The following COL19A1 variants were observed in gnomAD, a reference collection of about 807,000 sequenced individuals.
The protein encoded by COL19A1 is collagen alpha-1(XIX) chain.
In COL19A1, 159 loss-of-function variants were observed where a neutral mutation model predicts 190.2. That is an observed-to-expected ratio of 0.84 (90% CI 0.73 to 0.95). COL19A1 has a LOEUF of 0.95. Ranked by LOEUF, COL19A1 falls within the 40% of genes least tolerant of loss-of-function variation. The probability of loss-of-function intolerance (pLI) is 0.00; values close to 1 mark genes in which losing one functional copy is unlikely to be tolerated. For missense variants in COL19A1, 1,418 were observed against 1,431.9 expected (o/e 0.99, Z 0.16); for synonymous variants, 509 against 458.9 (o/e 1.11, Z -1.39).
intron 11 of COL19A1, among the ~76,000 whole-genome samples, chr6:69,970,571 A>T (rs1775372255): frequency 6.6e-6 from 1 of 152,206 alleles, no homozygotes; most frequent in South Asian, 2.1e-4. Flanking sequence ...CTTGGTGATT[A>T]TGCCTATTAT....
At chr6:70,204,662 G>A (rs989495557) in intron 49 of COL19A1, among the ~76,000 whole-genome samples, 72 of 152,180 alleles carry the variant, frequency 4.7e-4, no homozygotes, top group African/African-American at 1.6e-3. Context: ...AAATCGCTAA[G>A]TTTTAGCCAA....
chr6:69,999,886 A>G (rs1017563917), intron 11 of COL19A1, among the ~76,000 whole-genome samples: 1 of 152,108 alleles, frequency 6.6e-6, no homozygotes, highest in Non-Finnish European at 1.5e-5. Flanking sequence ...TTTAAAATTT[A>G]TTTTTAAGTT....
intron 9 of COL19A1, among the ~76,000 whole-genome samples, chr6:69,944,747 G>T (rs1029533154): frequency 2.6e-5 from 4 of 151,736 alleles, no homozygotes; most frequent in African/African-American, 9.7e-5. Context: ...TTTTATAAAG[G>T]TGATGGTCAC....
chr6:69,980,394 T>C (rs1345711235), intron 11 of COL19A1, among the ~76,000 whole-genome samples: 1 of 152,102 alleles, frequency 6.6e-6, no homozygotes, highest in Non-Finnish European at 1.5e-5. Flanking sequence ...TTATACCCTA[T>C]ATAAAAATAA....
intron 11 of COL19A1, among the ~76,000 whole-genome samples, chr6:70,018,098 G>T (rs774952524): frequency 6.6e-6 from 1 of 152,114 alleles, no homozygotes; most frequent in African/African-American, 2.4e-5. Flanking sequence ...GGGAGAAAAG[G>T]CTGAAGATTC....
intron 41 of COL19A1, among the ~76,000 whole-genome samples, chr6:70,174,391 C>A (rs531587114): frequency 1.7e-4 from 26 of 152,182 alleles, no homozygotes; most frequent in African/African-American, 6.0e-4. Flanking sequence ...AACGTGGTGA[C>A]ACCCCATCTC....
chr6:69,872,615 T>C (rs1767908760), intron 1 of COL19A1, among the ~76,000 whole-genome samples: 1 of 152,252 alleles, frequency 6.6e-6, no homozygotes, highest in South Asian at 2.1e-4. Context: ...AAAATTCACT[T>C]ACCCAGCTGG....
At chr6:69,999,301 G>A (rs1169876424) in intron 11 of COL19A1, among the ~76,000 whole-genome samples, 3 of 151,894 alleles carry the variant, frequency 2.0e-5, no homozygotes, top group Non-Finnish European at 4.4e-5. Flanking sequence ...GGAGGCCAAG[G>A]CAGGAGGCCA....
chr6:70,128,495 G>A (rs1259496601), intron 17 of COL19A1, among the ~76,000 whole-genome samples: 1 of 152,156 alleles, frequency 6.6e-6, no homozygotes, highest in Non-Finnish European at 1.5e-5. Context: ...GTCGATTACT[G>A]AAGAGTCCAT....
Position 70,151,456 on chromosome 6 carries a change from A to G in COL19A1, c.2079+18A>G. The stretch of plus-strand genomic sequence containing the variant: ...TGCTCAAGGTACTCTATTGCTATGT[A>G]AGAAATTATGTGTTAATTTCCAGGA... On this transcript the variant is annotated intron_variant, in intron 31 of 50. Coordinates refer to ENST00000620364, the MANE Select transcript of COL19A1 (RefSeq NM_001858.6). 3 of 1,609,976 alleles carry G rather than the reference A, an allele frequency of 1.9e-6. No individual in the cohort carries two copies. Among genetic ancestry groups the G allele is most frequent in the South Asian group, 1.1e-5 (1 of 90,436 alleles).
chr6:69,877,081 C>T (rs975142508), intron 1 of COL19A1, among the ~76,000 whole-genome samples: 1 of 152,144 alleles, frequency 6.6e-6, no homozygotes, highest in African/African-American at 2.4e-5. Flanking sequence ...AGAGTGTCTA[C>T]TGATAGAATT....
chr6:70,169,293 T>A (rs1362007680), intron 40 of COL19A1, among the ~76,000 whole-genome samples: 1 of 152,204 alleles, frequency 6.6e-6, no homozygotes, highest in Non-Finnish European at 1.5e-5. Context: ...TTCAATTAGA[T>A]GCCCTTTATT....
chr6:70,179,547 C>T (rs1165266701), intron 42 of COL19A1, among the ~76,000 whole-genome samples: 1 of 152,170 alleles, frequency 6.6e-6, no homozygotes, highest in Admixed American at 6.5e-5. Flanking sequence ...CAAAACATGG[C>T]TTTTCAAATC....
At chr6:69,895,301 G>C (rs1769647194) in intron 2 of COL19A1, among the ~76,000 whole-genome samples, 2 of 152,222 alleles carry the variant, frequency 1.3e-5, no homozygotes, top group South Asian at 4.1e-4. Flanking sequence ...AAGCTCAGAA[G>C]TCCAAGGACG....
intron 16 of COL19A1, among the ~76,000 whole-genome samples, chr6:70,120,877 T>C (rs757960057): frequency 1.1e-4 from 17 of 152,226 alleles, no homozygotes; most frequent in Non-Finnish European, 2.2e-4. Context: ...CCTAAGGTGT[T>C]ACCTGCATCA....
intron 9 of COL19A1, among the ~76,000 whole-genome samples, chr6:69,958,853 GT>G (rs1774592526): frequency 6.6e-6 from 1 of 152,076 alleles, no homozygotes; most frequent in South Asian, 2.1e-4. Flanking sequence ...CTATTTTAAA[GT>G]TTAAAGATGT....
intron 15 of COL19A1, among the ~76,000 whole-genome samples, chr6:70,074,057 T>C (rs897939947): frequency 2.0e-5 from 3 of 152,206 alleles, no homozygotes; most frequent in African/African-American, 7.2e-5. Flanking sequence ...AAATTTTCCT[T>C]AAGCTTATTT....
At chr6:70,022,276 G>A (rs1778457724) in intron 11 of COL19A1, among the ~76,000 whole-genome samples, 1 of 152,108 alleles carries the variant, frequency 6.6e-6, no homozygotes, top group African/African-American at 2.4e-5. Context: ...ACACTTGGTT[G>A]AGTACTTTCT....
intron 17 of COL19A1, among the ~76,000 whole-genome samples, chr6:70,129,819 C>G (rs1453625575): frequency 6.6e-6 from 1 of 152,178 alleles, no homozygotes; most frequent in African/African-American, 2.4e-5. Context: ...ATAAAGAAGA[C>G]TTGAGAATAG....
Sources: allele counts gnomAD v4.1 joint callset (sites outside exome capture counted in the v4.1 genomes callset), GRCh38; gene constraint gnomAD v4.1.1; transcripts MANE v1.5; gene names NCBI Gene and HGNC (gene_info 2026-07-23, HGNC 2026-07-21).